PIP5K1A: variants seen among roughly 807,000 people sequenced by gnomAD.
The protein encoded by PIP5K1A is phosphatidylinositol-4-phosphate 5-kinase type 1 alpha, also known as phosphatidylinositol 4-phosphate 5-kinase type-1 alpha.
In PIP5K1A, 46 loss-of-function variants were observed where a neutral mutation model predicts 72.9. The ratio of observed to expected loss-of-function variants is 0.63; its 90% confidence interval spans 0.50 to 0.81. The LOEUF is 0.81. Ranked by LOEUF, PIP5K1A falls within the 30% of genes least tolerant of loss-of-function variation. The pLI is 0.00. For missense variants in PIP5K1A, 458 were observed against 706.1 expected (o/e 0.65, Z 3.98); for synonymous variants, 228 against 255.1 (o/e 0.89, Z 1.01).
intron 1 of PIP5K1A, among the ~76,000 whole-genome samples, chr1:151,203,662 A>G (rs1685520647): frequency 6.6e-6 from 1 of 151,838 alleles, no homozygotes; most frequent in Non-Finnish European, 1.5e-5. Context: ...CGTCTCTACT[A>G]AAAATACAAA....
rs1692842999 is a variant in PIP5K1A at position 151,248,910 on chromosome 1, T to C, written c.*1045T>C. The C allele has an allele frequency of 6.6e-6, 1 of 152,588 alleles. No individual in the cohort carries two copies. The highest frequency in any genetic ancestry group is 1.5e-5 in the Non-Finnish European group (1 of 68,028). 9.5% of individuals were successfully genotyped at this position (152,588 alleles called of 1,614,324 possible). ...TTCTGTCTGTTTAACAGACAGTCCATATCTGTGAGGCCAGCAAATATTTTC... is the reference window on the plus strand; with the variant it reads ...TTCTGTCTGTTTAACAGACAGTCCACATCTGTGAGGCCAGCAAATATTTTC... On this transcript the variant is annotated 3_prime_UTR_variant, in exon 16 of 16. Transcript: ENST00000368888.
chr1:151,243,634 C>A (rs587713840), intron 14 of PIP5K1A, among the ~76,000 whole-genome samples: 2 of 152,288 alleles, frequency 1.3e-5, no homozygotes, highest in South Asian at 4.1e-4. Context: ...GTTTTGTCTT[C>A]TGAGTCTTCC....
chr1:151,198,996 G>A lies in PIP5K1A; in HGVS notation c.-1G>A, dbSNP rs1684807576. ...CCGCTGAGGGGGAGGGGGCTGCTAAGATGGCGTCGGCCTCCTCCGGGCCGT... is the reference window on the plus strand; with the variant it reads ...CCGCTGAGGGGGAGGGGGCTGCTAAAATGGCGTCGGCCTCCTCCGGGCCGT... On this transcript the variant is annotated 5_prime_UTR_variant, in exon 1 of 16. Transcript: ENST00000368888. 1.2e-6 allele frequency: 2 copies of A among 1,613,970 alleles called. No homozygotes were observed. The highest frequency in any genetic ancestry group is 1.7e-6 in the Non-Finnish European group (2 of 1,179,878).
At chr1:151,208,906 G>A (rs1686377154) in intron 1 of PIP5K1A, among the ~76,000 whole-genome samples, 1 of 150,518 alleles carries the variant, frequency 6.6e-6, no homozygotes, top group South Asian at 2.1e-4. Context: ...CTAACTTTTT[G>A]TATTTTTTTT....
At chr1:151,228,890 A>T (rs1206314496) in intron 4 of PIP5K1A, among the ~76,000 whole-genome samples, 1 of 151,602 alleles carries the variant, frequency 6.6e-6, no homozygotes, top group African/African-American at 2.4e-5. Flanking sequence ...CTTCATTTTT[A>T]AATTTTTTTT....
intron 14 of PIP5K1A, among the ~76,000 whole-genome samples, chr1:151,244,255 G>A (rs980869935): frequency 6.6e-6 from 1 of 150,544 alleles, no homozygotes; most frequent in African/African-American, 2.4e-5. Context: ...TACTTAACAT[G>A]TACAGACTTT....
chr1:151,241,127 CACTCCA>C (rs1481580011), intron 12 of PIP5K1A, among the ~76,000 whole-genome samples: 1 of 151,932 alleles, frequency 6.6e-6, no homozygotes, highest in Non-Finnish European at 1.5e-5. Flanking sequence ...AGTGCCATTG[CACTCCA>C]GCCTGGGTGA....
At chr1:151,196,994 G>C (rs1684610228), upstream of PIP5K1A, among the ~76,000 whole-genome samples, 1 of 151,376 alleles carries the variant, frequency 6.6e-6, no homozygotes, top group Admixed American at 6.6e-5. Context: ...CCGAGTAGCA[G>C]GGATTACAGG....
At chr1:151,247,320 G>A (rs998669350) in intron 15 of PIP5K1A, among the ~76,000 whole-genome samples, 14 of 151,900 alleles carry the variant, frequency 9.2e-5, no homozygotes, top group African/African-American at 3.4e-4. Flanking sequence ...GTAGGCGCAG[G>A]GTTTCATCAT....
In PIP5K1A at chr1:151,198,568, A is replaced by G. The variant is rs1049076287; in HGVS notation, c.-429A>G. The stretch of plus-strand genomic sequence containing the variant: ...CAGTGCTCGGATTTTTTGCTTGGCT[A>G]CCCGGAGTGAAGCGGCCGGGTTGGG... On this transcript the variant is annotated 5_prime_UTR_variant, in exon 1 of 16. Transcript: ENST00000368888. The G allele has an allele frequency of 5.6e-5, 11 of 197,306 alleles. No homozygotes were observed. The highest frequency in any genetic ancestry group is 5.5e-5 in the Admixed American group (1 of 18,136). 12.2% of individuals were successfully genotyped at this position (197,306 alleles called of 1,614,324 possible). A position where few individuals can be genotyped will look rare whatever the true frequency, so the allele number is the denominator to read the frequency against.
chr1:151,199,178 C>T lies in PIP5K1A; in HGVS notation c.85+97C>T. 2.5e-6 allele frequency: 4 copies of T among 1,590,188 alleles called. No homozygotes were observed. In the South Asian group the frequency reaches 4.4e-5, roughly 18 times the overall value. ...GGTACCTGTAGCTGGGAATGTCCTA[C>T]GTGTTACCGGTAAGTGGGCGCGAGC... On this transcript the variant is annotated intron_variant, in intron 1 of 15. Transcript: ENST00000368888.
intron 3 of PIP5K1A, among the ~76,000 whole-genome samples, chr1:151,226,235 T>A (rs921529702): frequency 2.6e-5 from 4 of 151,762 alleles, no homozygotes; most frequent in Admixed American, 6.6e-5. Flanking sequence ...TACAGGTGCC[T>A]ACTACCACGC....
chr1:151,236,932 A>T (rs1690977150), intron 9 of PIP5K1A, among the ~76,000 whole-genome samples, 169 bp downstream of exon 9: 1 of 146,884 alleles, frequency 6.8e-6, no homozygotes, highest in African/African-American at 2.5e-5. Context: ...GGTTCAAGCG[A>T]TTCTCCTGCT....
chr1:151,243,132 A>G (rs1692005079), intron 14 of PIP5K1A, among the ~76,000 whole-genome samples: 1 of 152,206 alleles, frequency 6.6e-6, no homozygotes, highest in Non-Finnish European at 1.5e-5. Flanking sequence ...CATGGGTGTG[A>G]ATACCAGGAG....
At chr1:151,219,397 A>G (rs898342240) in intron 1 of PIP5K1A, among the ~76,000 whole-genome samples, 21 of 149,888 alleles carry the variant, frequency 1.4e-4, no homozygotes, top group South Asian at 4.2e-4. Flanking sequence ...AAAAAAAAAA[A>G]AAGAAGAGGG....
chr1:151,231,403 AG>A (rs1223941539), intron 4 of PIP5K1A, among the ~76,000 whole-genome samples: 2 of 152,060 alleles, frequency 1.3e-5, no homozygotes, highest in African/African-American at 2.4e-5. Context: ...GGCCAACAGG[AG>A]GGAGCACCTT....
In PIP5K1A at chr1:151,226,668, G is replaced by A. The variant is rs190090137; in HGVS notation, c.157-652G>A. The stretch of plus-strand genomic sequence containing the variant: ...GTGGAGGTTGCAGTGAGCCGAGATC[G>A]TGGCATTGCACTCCAGCCCAGGCGA... On this transcript the variant is annotated intron_variant, in intron 3 of 15. Transcript: ENST00000368888. 4.4e-3 allele frequency among the ~76,000 whole-genome samples: 651 copies of A among 148,234 alleles called. 5 individuals carry two copies. The highest frequency in any genetic ancestry group is 0.011 in the Middle Eastern group (3 of 278).
chr1:151,219,089 T>C (rs1055345187), intron 1 of PIP5K1A, among the ~76,000 whole-genome samples: 2 of 151,756 alleles, frequency 1.3e-5, no homozygotes, highest in African/African-American at 4.8e-5. Flanking sequence ...AGCTTGAAAA[T>C]TGGAAAGTAG....
In PIP5K1A at chr1:151,198,819, T is replaced by C. The variant is rs1170881432; in HGVS notation, c.-178T>C. The stretch of plus-strand genomic sequence containing the variant: ...TCTTCCCCATGCCAGGCGAATGGTG[T>C]GGCCTTGAGCTGGTCCAGGAGCCGG... On this transcript the variant is annotated 5_prime_UTR_variant, in exon 1 of 16. Coordinates refer to ENST00000368888, the MANE Select transcript of PIP5K1A (RefSeq NM_001135638.2). 31 of 673,816 alleles carry C rather than the reference T, an allele frequency of 4.6e-5. No homozygotes were observed. The East Asian group carries it at 7.7e-4, about 17-fold the overall frequency. 41.7% of individuals were successfully genotyped at this position (673,816 alleles called of 1,614,324 possible). A position where few individuals can be genotyped will look rare whatever the true frequency, so the allele number is the denominator to read the frequency against.
Sources: gnomAD v4.1 joint callset for allele counts (sites outside exome capture counted in the v4.1 genomes callset) on GRCh38, gnomAD v4.1.1 for gene constraint, MANE v1.5 for transcripts, NCBI Gene and HGNC (gene_info 2026-07-23, HGNC 2026-07-21) for gene names.